Variants in DNMT3A observed in about 807,000 individuals in gnomAD.
DNMT3A encodes DNA (cytosine-5)-methyltransferase 3A.
A neutral mutation model predicts 117.6 loss-of-function variants in DNMT3A; 267 were observed. The ratio of observed to expected loss-of-function variants is 2.27; its 90% CI spans 2.05 to 2.51. The LOEUF is 2.51. Ranked by LOEUF, DNMT3A falls within the 30% of genes most tolerant of loss-of-function variation. The pLI, the probability that DNMT3A is intolerant of heterozygous loss-of-function variation, is 0.00. For synonymous variants in DNMT3A, 432 were observed against 474.8 expected, an observed-to-expected ratio of 0.91 and a Z score of 1.17; for missense variants, 1,029 against 1,260.2, an observed-to-expected ratio of 0.82 and a Z score of 2.78.
intron 1 of DNMT3A, among the ~76,000 whole-genome samples, chr2:25,320,527 A>T (rs34140082): frequency 0.037 from 5,573 of 152,338 alleles, 147 homozygotes; most frequent in South Asian, 0.082. Context: ...AAGAAAAAGA[A>T]GTCCTAAGGT....
rs2149398122 is a variant in DNMT3A at position 25,294,783 on chromosome 2, C to T, written c.177+5356G>A. On this transcript the variant is annotated intron_variant, in intron 3 of 22. Transcript: ENST00000321117. This position sits in a 1 kb window ranked among gnomAD's most constrained non-coding sequence, Gnocchi z 4.7. ...CCAAGTCATCTGCTCTGAAGTGGGG[C>T]AGTTTGCCCTCTTGGACTGGCTCAC... 6.6e-6 allele frequency among the ~76,000 whole-genome samples: 1 copy of T among 152,326 alleles called. No homozygotes were observed. The highest frequency in any genetic ancestry group is 1.9e-4 in the East Asian group (1 of 5,180).
intron 2 of DNMT3A, among the ~76,000 whole-genome samples, chr2:25,302,637 T>G (rs887500157): frequency 1.3e-5 from 2 of 151,974 alleles, no homozygotes; most frequent in East Asian, 3.9e-4. Context: ...ACACGCCCCA[T>G]GGGAGGGGAG....
chr2:25,299,236 G>C (rs969303289), intron 3 of DNMT3A, among the ~76,000 whole-genome samples: 2 of 152,190 alleles, frequency 1.3e-5, no homozygotes, highest in African/African-American at 4.8e-5. Flanking sequence ...TTGTTCTCCA[G>C]AGCTGCCCCC....
In DNMT3A at chr2:25,235,751, G is replaced by A. The variant is rs1673284378; in HGVS notation, c.2553C>T (p.Phe851=). Residue 851 remains phenylalanine, a synonymous_variant, in exon 22 of 23, where the codon TTC becomes TTT. Coordinates refer to ENST00000321117, the MANE Select transcript of DNMT3A (RefSeq NM_022552.5). ...ATAAGATGTCCTCTTTCTCATTCAT[G>A]AAGACAGGAAAATGCTGGTCTTTGC... The part of the protein sequence containing the change: ...KQGKDQHFPV[F]MNEKEDILWC... The A allele has an allele frequency of 1.2e-6, 2 of 1,614,054 alleles. No homozygotes were observed. Among genetic ancestry groups the A allele is most frequent in the Non-Finnish European group, 1.7e-6 (2 of 1,180,022 alleles).
intron 6 of DNMT3A, among the ~76,000 whole-genome samples, chr2:25,260,014 T>C (rs7594432): frequency 0.47 from 72,149 of 152,032 alleles, 17,455 homozygotes; most frequent in Admixed American, 0.56. Context: ...CTTCTTCCTT[T>C]GCTTGTTACC....
chr2:25,309,880 C>T (rs1276104382), intron 2 of DNMT3A, among the ~76,000 whole-genome samples: 4 of 151,820 alleles, frequency 2.6e-5, no homozygotes, highest in Admixed American at 6.6e-5. Context: ...GGTGAAACCC[C>T]GTCTCTACTA....
intron 6 of DNMT3A, among the ~76,000 whole-genome samples, chr2:25,260,636 G>A (rs1224994726): frequency 6.6e-6 from 1 of 152,182 alleles, no homozygotes. Context: ...GGGAAGAGCT[G>A]TCGCATCTGT....
At chr2:25,275,410 G>A in intron 5 of DNMT3A, 90 bp downstream of exon 5, 1 of 1,451,162 alleles carries the variant, frequency 6.9e-7, no homozygotes, top group Non-Finnish European at 9.4e-7. Context: ...AGGAGGAGGG[G>A]CCCACCCTCC....
At chr2:25,270,896 C>T (rs768010492) in intron 6 of DNMT3A, among the ~76,000 whole-genome samples, 22 of 151,918 alleles carry the variant, frequency 1.4e-4, no homozygotes, top group Non-Finnish European at 2.1e-4. Context: ...TGGTGGTGCA[C>T]GCCTGTAATC....
In DNMT3A at chr2:25,300,222, G is replaced by A. The variant is rs2149405318; in HGVS notation, c.94C>T (p.Pro32Ser). The change falls in exon 3 of 23, where the codon CCG becomes TCG. Residue 32 changes from proline to serine, a missense_variant. Pro to Ser is a moderately conservative substitution (Grantham distance 74). Coordinates refer to ENST00000321117, the MANE Select transcript of DNMT3A (RefSeq NM_022552.5). ...DRKDGEEQEE[P>S]RGKEERQEPS... ...TCTTGGCGCTCCTCCTTGCCACGCG[G>A]CTCCTCCTGCTCCTCTCCGTCCTGC... The A allele has an allele frequency of 6.2e-7, 1 of 1,608,436 alleles. No individual in the cohort carries two copies. Among genetic ancestry groups the A allele is most frequent in the Non-Finnish European group, 8.5e-7 (1 of 1,179,924 alleles).
In DNMT3A at chr2:25,337,182, C is replaced by G. The variant is rs184051477; in HGVS notation, c.-178+4644G>C. ...GTGGAAGCAAAACAACCTGTTGACA[C>G]GAGATTTGTTCAACTCAACAGATTG... On this transcript the variant is annotated intron_variant, in intron 1 of 22. Coordinates refer to ENST00000321117, the MANE Select transcript of DNMT3A (RefSeq NM_022552.5). The surrounding 1 kb of genome is among the most constrained non-coding windows in gnomAD (Gnocchi z 5.0). 2.0e-5 allele frequency among the ~76,000 whole-genome samples: 3 copies of G among 152,168 alleles called. No homozygotes were observed. Among genetic ancestry groups the G allele is most frequent in the Non-Finnish European group, 4.4e-5 (3 of 68,028 alleles).
intron 4 of DNMT3A, among the ~76,000 whole-genome samples, chr2:25,280,589 T>A (rs747684299): frequency 6.6e-6 from 1 of 152,208 alleles, no homozygotes; most frequent in South Asian, 2.1e-4. Flanking sequence ...CCTGGACATG[T>A]TTCACTTCCC....
Position 25,281,703 on chromosome 2 carries a change from T to C in DNMT3A, c.448+738A>G, listed in dbSNP as rs544680832. On this transcript the variant is annotated intron_variant, in intron 4 of 22. Coordinates refer to ENST00000321117, the MANE Select transcript of DNMT3A (RefSeq NM_022552.5). This position sits in a 1 kb window ranked among gnomAD's most constrained non-coding sequence, Gnocchi z 4.8. ...CCTGTACAAATGCTAGTTGTCCTCA[T>C]TACTAACATGTTTACAGCTCGGTTG... 1 of 1,065,646 alleles carries C rather than the reference T, an allele frequency of 9.4e-7. No individual in the cohort carries two copies. The highest frequency in any genetic ancestry group is 1.1e-6 in the Non-Finnish European group (1 of 879,452). 66.0% of individuals were successfully genotyped at this position (1,065,646 alleles called of 1,614,324 possible). A position where few individuals can be genotyped will look rare whatever the true frequency, so the allele number is the denominator to read the frequency against.
chr2:25,283,153 G>A (rs1327150604), intron 3 of DNMT3A, among the ~76,000 whole-genome samples: 5 of 151,986 alleles, frequency 3.3e-5, no homozygotes, highest in African/African-American at 7.3e-5. Flanking sequence ...ACTTGAGGTC[G>A]GGAGTTTAAG....
chr2:25,235,565 T>C (rs934997929), intron 22 of DNMT3A, 142 bp downstream of exon 22: 4 of 667,354 alleles, frequency 6.0e-6, no homozygotes, highest in Admixed American at 5.5e-5. Context: ...GAGTCTGCCA[T>C]GTTGGGAAAT....
intron 2 of DNMT3A, among the ~76,000 whole-genome samples, chr2:25,301,434 G>C (rs2033509678): frequency 6.6e-6 from 1 of 152,160 alleles, no homozygotes; most frequent in Non-Finnish European, 1.5e-5. Context: ...CAGCCTGCAG[G>C]AGGATCTCAG....
intron 1 of DNMT3A, among the ~76,000 whole-genome samples, chr2:25,334,876 CTTAA>C (rs2035148755): frequency 6.6e-6 from 1 of 152,200 alleles, no homozygotes; most frequent in African/African-American, 2.4e-5. Flanking sequence ...CCTTAGGTGA[CTTAA>C]TTCTTTTTTC....
intron 6 of DNMT3A, among the ~76,000 whole-genome samples, chr2:25,270,849 C>T (rs1573394488): frequency 6.6e-6 from 1 of 152,204 alleles, no homozygotes; most frequent in East Asian, 1.9e-4. Flanking sequence ...GCTGTTGTTA[C>T]ACCACTTAGA....
Position 25,244,249 on chromosome 2 carries a change from CACATGTAGCAG to C in DNMT3A, c.1746_1756del (p.Asn582LysfsTer26), listed in dbSNP as rs1674444644. On this transcript the variant is annotated frameshift_variant, in exon 15 of 23. Coordinates refer to ENST00000321117, the MANE Select transcript of DNMT3A (RefSeq NM_022552.5). LOFTEE classifies it high-confidence loss of function. Reference sequence around the variant, plus strand: ...CAGCCCGTAGGTACCCTTGTGCCCGCACATGTAGCAGTTCCAGGGGTCTTCCTTAATGGCTG... The same window carrying C: ...CAGCCCGTAGGTACCCTTGTGCCCGCTTCCAGGGGTCTTCCTTAATGGCTG... 6.2e-7 allele frequency: 1 copy of C among 1,613,880 alleles called. No homozygotes were observed. Among genetic ancestry groups the C allele is most frequent in the Non-Finnish European group, 8.5e-7 (1 of 1,180,020 alleles).
Sources: gnomAD v4.1 joint callset for allele counts (sites outside exome capture counted in the v4.1 genomes callset) on GRCh38, gnomAD v4.1.1 for gene constraint, Gnocchi (gnomAD v3.1) non-coding constraint, MANE v1.5 for transcripts, NCBI Gene and HGNC (gene_info 2026-07-23, HGNC 2026-07-21) for gene names.